The following NLGN1 variants were observed in gnomAD, a reference collection of about 807,000 sequenced individuals.
NLGN1 encodes the protein neuroligin 1.
NLGN1 carries 12 observed loss-of-function variants against 65.5 expected under a neutral mutation model. The ratio of observed to expected loss-of-function variants is 0.18; its 90% CI spans 0.12 to 0.30. NLGN1 has a LOEUF of 0.30. Ranked by LOEUF, NLGN1 falls within the 10% of genes least tolerant of loss-of-function variation. The pLI is 1.00. For missense variants in NLGN1, 750 were observed against 1,007.1 expected (o/e 0.74, Z 3.46); for synonymous variants, 350 against 359.5 (o/e 0.97, Z 0.30).
chr3:174,232,202 G>A (rs1014322367), intron 4 of NLGN1, among the ~76,000 whole-genome samples: 5 of 152,126 alleles, frequency 3.3e-5, no homozygotes, highest in East Asian at 1.9e-4. Flanking sequence ...TCAAAGGGGG[G>A]TTGTTCTCTG....
intron 4 of NLGN1, among the ~76,000 whole-genome samples, chr3:174,009,018 C>T (rs1229408004): frequency 1.3e-5 from 2 of 152,106 alleles, no homozygotes; most frequent in African/African-American, 4.8e-5. Context: ...CCCTGGGTGA[C>T]TTAGCAATGA....
At chr3:174,294,032 G>T in the NLGN1 span, among the ~76,000 whole-genome samples, 2 of 151,354 alleles carry the variant, frequency 1.3e-5, no homozygotes, top group Admixed American at 6.6e-5. Flanking sequence ...ATATTTTAAG[G>T]TTTTTATCTA....
chr3:173,905,897 G>A (rs1018285928), intron 4 of NLGN1, among the ~76,000 whole-genome samples: 3 of 152,080 alleles, frequency 2.0e-5, no homozygotes, highest in South Asian at 2.1e-4. Flanking sequence ...ATTTAATCAC[G>A]GGGGATGTAT....
At chr3:173,451,861 G>A (rs1416044998) in intron 2 of NLGN1, among the ~76,000 whole-genome samples, 1 of 152,222 alleles carries the variant, frequency 6.6e-6, no homozygotes, top group East Asian at 1.9e-4. Context: ...TCTGAGCCAT[G>A]TGCGTGATAT....
intron 2 of NLGN1, among the ~76,000 whole-genome samples, chr3:173,594,688 T>C (rs6794480): frequency 0.87 from 133,088 of 152,254 alleles, 58,258 homozygotes; most frequent in South Asian, 0.93. Flanking sequence ...CCACACTGCC[T>C]TAGCAGAGGT....
intron 4 of NLGN1, among the ~76,000 whole-genome samples, chr3:174,132,881 A>G (rs1255187055): frequency 6.6e-6 from 1 of 152,208 alleles, no homozygotes; most frequent in East Asian, 1.9e-4. Flanking sequence ...CCAAGGATCT[A>G]CTAGGGTCAC....
intron 4 of NLGN1, among the ~76,000 whole-genome samples, chr3:173,931,142 T>C (rs1311177048): frequency 1.3e-5 from 2 of 152,090 alleles, no homozygotes; most frequent in African/African-American, 4.8e-5. Flanking sequence ...AGAAACTCAG[T>C]CAATAAATTT....
chr3:173,513,752 C>T (rs1286837659), intron 2 of NLGN1, among the ~76,000 whole-genome samples: 1 of 151,750 alleles, frequency 6.6e-6, no homozygotes, highest in Non-Finnish European at 1.5e-5. Flanking sequence ...GTTGGCTGGG[C>T]ATGTGGCTCA....
chr3:174,266,178 T>A (rs757408393), intron 4 of NLGN1, among the ~76,000 whole-genome samples: 3 of 151,822 alleles, frequency 2.0e-5, no homozygotes, highest in Non-Finnish European at 2.9e-5. Context: ...ACATAGTATC[T>A]GATAGTTTTT....
chr3:174,020,808 G>A (rs967527499), intron 4 of NLGN1, among the ~76,000 whole-genome samples: 2 of 152,068 alleles, frequency 1.3e-5, no homozygotes, highest in African/African-American at 2.4e-5. Flanking sequence ...AATACAATTC[G>A]AAAACAATAC....
At chr3:173,875,114 CT>C (rs1731877137) in intron 4 of NLGN1, among the ~76,000 whole-genome samples, 1 of 152,180 alleles carries the variant, frequency 6.6e-6, no homozygotes, top group Admixed American at 6.5e-5. Flanking sequence ...TTTCACAAGC[CT>C]CTTCACTTCC....
At chr3:173,631,639 A>C (rs1342491036) in intron 3 of NLGN1, among the ~76,000 whole-genome samples, 1 of 152,192 alleles carries the variant, frequency 6.6e-6, no homozygotes, top group Non-Finnish European at 1.5e-5. Context: ...ATAGATATTC[A>C]TAATTATCTA....
At chr3:173,822,399 A>C (rs895944428) in intron 4 of NLGN1, among the ~76,000 whole-genome samples, 1 of 152,112 alleles carries the variant, frequency 6.6e-6, no homozygotes, top group Non-Finnish European at 1.5e-5. Flanking sequence ...TCCATAGGTA[A>C]ATGTTCTAAT....
At chr3:174,127,449 T>A (rs1012980156) in intron 4 of NLGN1, among the ~76,000 whole-genome samples, 2 of 152,166 alleles carry the variant, frequency 1.3e-5, no homozygotes, top group African/African-American at 4.8e-5. Context: ...TCTTTTGACA[T>A]AGTAACAATA....
chr3:173,600,817 G>T (rs1055004709), intron 2 of NLGN1, among the ~76,000 whole-genome samples: 4 of 151,606 alleles, frequency 2.6e-5, no homozygotes, highest in African/African-American at 9.7e-5. Context: ...AACATTCAGT[G>T]CAATAGCTTG....
intron 4 of NLGN1, among the ~76,000 whole-genome samples, chr3:173,977,644 C>A (rs538371199): frequency 6.6e-6 from 1 of 151,466 alleles, no homozygotes; most frequent in African/African-American, 2.4e-5. Flanking sequence ...TATTTATTGA[C>A]CTAGAAAAAA....
intron 4 of NLGN1, among the ~76,000 whole-genome samples, chr3:173,991,428 C>T (rs1360884666): frequency 6.6e-6 from 1 of 151,892 alleles, no homozygotes; most frequent in Admixed American, 6.6e-5. Flanking sequence ...CATTGAAAAC[C>T]TCTAGAGCAG....
chr3:174,231,719 C>G (rs573147572), intron 4 of NLGN1, among the ~76,000 whole-genome samples: 20 of 152,246 alleles, frequency 1.3e-4, no homozygotes, highest in African/African-American at 4.8e-4. Context: ...CATTCCTGTT[C>G]CCCCAGCCCA....
chr3:174,228,379 A>T (rs1264977906), intron 4 of NLGN1, among the ~76,000 whole-genome samples: 3 of 152,098 alleles, frequency 2.0e-5, no homozygotes, highest in Non-Finnish European at 4.4e-5. Context: ...TGGCTCAATT[A>T]TGAGTTCAAT....
Sources: allele counts gnomAD v4.1 joint callset (sites outside exome capture counted in the v4.1 genomes callset), GRCh38; gene constraint gnomAD v4.1.1; transcripts MANE v1.5; gene names NCBI Gene and HGNC (gene_info 2026-07-23, HGNC 2026-07-21).